Variants in STX17 observed in about 807,000 individuals in gnomAD.
STX17 encodes the protein syntaxin-17.
Under a neutral mutation model 35.9 loss-of-function variants are expected in STX17, and 29 were observed. The observed-to-expected ratio is 0.81, with a 90% confidence interval of 0.60 to 1.10. The LOEUF is 1.10. Among genes scored for constraint, STX17 ranks in the 50% least tolerant of loss-of-function variants. The pLI is 0.00. For missense variants in STX17, 312 were observed against 352.3 expected (o/e 0.89, Z 0.92); for synonymous variants, 92 against 118.3 (o/e 0.78, Z 1.44).
At chr9:99,941,998 G>A (rs1374937699) in intron 3 of STX17, among the ~76,000 whole-genome samples, 1 of 152,180 alleles carries the variant, frequency 6.6e-6, no homozygotes. Flanking sequence ...GACAGGAATT[G>A]TTGGTTCCTT....
intron 2 of STX17, among the ~76,000 whole-genome samples, chr9:99,927,555 A>C (rs1298156096): frequency 2.0e-5 from 3 of 152,096 alleles, no homozygotes; most frequent in Non-Finnish European, 4.4e-5. Flanking sequence ...GGCTCACTGC[A>C]ACCTCCACCT....
intron 2 of STX17, among the ~76,000 whole-genome samples, chr9:99,916,639 G>T (rs923325135): frequency 1.3e-5 from 2 of 151,990 alleles, no homozygotes; most frequent in Admixed American, 1.3e-4. Context: ...TCAGTTCTGA[G>T]AATATTAAAA....
chr9:99,947,622 A>G (rs1003666045), intron 3 of STX17, among the ~76,000 whole-genome samples: 2 of 152,124 alleles, frequency 1.3e-5, no homozygotes, highest in African/African-American at 2.4e-5. Flanking sequence ...TCTTTATCCA[A>G]TTTTAGAGCT....
chr9:99,957,421 C>T (rs189641711), intron 4 of STX17, among the ~76,000 whole-genome samples: 5 of 152,202 alleles, frequency 3.3e-5, no homozygotes, highest in Admixed American at 3.3e-4. Context: ...AGAGAATGTA[C>T]TCTGTGTTGA....
chr9:99,950,310 G>A (rs547711995), intron 3 of STX17, among the ~76,000 whole-genome samples: 2 of 151,426 alleles, frequency 1.3e-5, no homozygotes, highest in Non-Finnish European at 3.0e-5. Flanking sequence ...CTGCTTTTTG[G>A]GAAAAAAACA....
chr9:99,931,705 A>T (rs1445030479), intron 3 of STX17, among the ~76,000 whole-genome samples: 2 of 152,036 alleles, frequency 1.3e-5, no homozygotes, highest in African/African-American at 4.8e-5. Flanking sequence ...TCCCTGTTCT[A>T]TTGGATGTTG....
chr9:99,968,989 A>T lies in STX17; in HGVS notation c.*316A>T, dbSNP rs1829975552. On this transcript the variant is annotated 3_prime_UTR_variant, in exon 8 of 8. Coordinates refer to ENST00000259400, the MANE Select transcript of STX17 (RefSeq NM_017919.3). The stretch of plus-strand genomic sequence containing the variant: ...TCTGATAAGGACTTGAGATGTGTAG[A>T]AACGTTGGGTTATGGAAGACTAGTT... The T allele has an allele frequency of 5.0e-6, 1 of 199,786 alleles. No homozygotes were observed. The highest frequency in any genetic ancestry group is 1.2e-4 in the East Asian group (1 of 8,550). 12.4% of individuals were successfully genotyped at this position (199,786 alleles called of 1,614,324 possible). A position where few individuals can be genotyped will look rare whatever the true frequency, so the allele number is the denominator to read the frequency against.
chr9:99,967,424 T>G (rs1472024360), intron 6 of STX17: 3 of 381,194 alleles, frequency 7.9e-6, no homozygotes, highest in African/African-American at 6.0e-5. Context: ...AGATGCTTTT[T>G]GCTGTAAAGT....
At chr9:99,929,005 A>C (rs957315622) in intron 3 of STX17, 162 bp downstream of exon 3, 8 of 568,430 alleles carry the variant, frequency 1.4e-5, no homozygotes, top group Non-Finnish European at 2.4e-5. Context: ...CATGCCATAC[A>C]TATTTTCAAA....
intron 1 of STX17, among the ~76,000 whole-genome samples, chr9:99,912,632 G>A (rs961420210): frequency 1.3e-5 from 2 of 151,994 alleles, no homozygotes; most frequent in Non-Finnish European, 2.9e-5. Flanking sequence ...GTGTAAGCAG[G>A]GTAATTACAC....
At position 99,911,866 on chromosome 9, in the gene STX17, C is replaced by T. The variant is rs191202912; in HGVS notation, c.-62-3312C>T. On this transcript the variant is annotated intron_variant, in intron 1 of 7. Coordinates refer to ENST00000259400, the MANE Select transcript of STX17 (RefSeq NM_017919.3). Reference sequence around the variant, plus strand: ...TGCTGGAATTACAGCTATGAGCCAGCGTACCCAGCCCATACTGTTTTTCAT... The same window carrying T: ...TGCTGGAATTACAGCTATGAGCCAGTGTACCCAGCCCATACTGTTTTTCAT... 5.7e-4 allele frequency among the ~76,000 whole-genome samples: 87 copies of T among 152,288 alleles called. 1 individual carries two copies. In the East Asian group the frequency reaches 0.014, roughly 24 times the overall value.
chr9:99,968,890 G>A lies in STX17; in HGVS notation c.*217G>A. The A allele has an allele frequency of 2.0e-6, 1 of 508,156 alleles. No individual in the cohort carries two copies. The highest frequency in any genetic ancestry group is 4.9e-5 in the South Asian group (1 of 20,530). 31.5% of individuals were successfully genotyped at this position (508,156 alleles called of 1,614,324 possible). On this transcript the variant is annotated 3_prime_UTR_variant, in exon 8 of 8. Coordinates refer to ENST00000259400, the MANE Select transcript of STX17 (RefSeq NM_017919.3). ...AGGCCCTGGGCTGAGGGTATATAAT[G>A]TATGTCAGGTAAAGTTTGAAGACTG...
Position 99,968,495 on chromosome 9 carries a change from G to A in STX17, c.731G>A (p.Gly244Glu). ...GGTGCACTCATCGGGGGAATGGTAG[G>A]GGGTCCTATTGGCCTCCTTGCAGGC... ...VAGALIGGMVGGPIGLLAGFK... is the reference protein window; with the variant it reads ...VAGALIGGMVEGPIGLLAGFK... The change falls in exon 8 of 8, where the codon GGG (glycine) becomes GAG (glutamate). Residue 244 changes from glycine (G) to glutamate (E), a missense_variant. Transcript: ENST00000259400. 1 of 1,611,316 alleles carries A rather than the reference G, an allele frequency of 6.2e-7. No individual in the cohort carries two copies. Among genetic ancestry groups the A allele is most frequent in the Non-Finnish European group, 8.5e-7 (1 of 1,178,494 alleles).
chr9:99,916,493 G>A (rs182633453), intron 2 of STX17, among the ~76,000 whole-genome samples: 1 of 150,898 alleles, frequency 6.6e-6, no homozygotes, highest in African/African-American at 2.4e-5. Context: ...TGGAGGATAT[G>A]GTCATTAAGC....
chr9:99,965,549 A>G (rs147821585), intron 6 of STX17, among the ~76,000 whole-genome samples: 15 of 152,310 alleles, frequency 9.8e-5, no homozygotes, highest in African/African-American at 3.6e-4. Context: ...GCAAGAGTGG[A>G]AAGTGTTGGG....
At chr9:99,920,625 A>G (rs1486138611) in intron 2 of STX17, among the ~76,000 whole-genome samples, 1 of 152,194 alleles carries the variant, frequency 6.6e-6, no homozygotes, top group Non-Finnish European at 1.5e-5. Context: ...ACTTCAAACT[A>G]CCTCTCTAGT....
At chr9:99,952,143 C>T (rs1225631136) in intron 4 of STX17, among the ~76,000 whole-genome samples, 1 of 151,994 alleles carries the variant, frequency 6.6e-6, no homozygotes, top group East Asian at 1.9e-4. Context: ...TACCTTTAAT[C>T]CTTACGGAAA....
At chr9:99,916,711 C>T (rs1307787276) in intron 2 of STX17, among the ~76,000 whole-genome samples, 1 of 151,992 alleles carries the variant, frequency 6.6e-6, no homozygotes, top group African/African-American at 2.4e-5. Flanking sequence ...TTTTGTCATC[C>T]TTGAATTTCT....
chr9:99,914,676 G>A (rs1469858105), intron 1 of STX17, among the ~76,000 whole-genome samples: 2 of 152,142 alleles, frequency 1.3e-5, no homozygotes, highest in Non-Finnish European at 2.9e-5. Context: ...TTGAAGTTGT[G>A]TAATTACAAA....
Sources: gnomAD v4.1 joint callset for allele counts (sites outside exome capture counted in the v4.1 genomes callset) on GRCh38, gnomAD v4.1.1 for gene constraint, MANE v1.5 for transcripts, NCBI Gene and HGNC (gene_info 2026-07-23, HGNC 2026-07-21) for gene names.